ATF7IP2: variants seen among roughly 807,000 people sequenced by gnomAD.
ATF7IP2 encodes the protein activating transcription factor 7-interacting protein 2.
ATF7IP2 carries 42 observed loss-of-function variants against 64.2 expected under a neutral mutation model. The ratio of observed to expected loss-of-function variants is 0.65; its 90% CI spans 0.51 to 0.85. ATF7IP2 has a LOEUF of 0.85. ATF7IP2 is among the 40% of genes least tolerant of loss of function. The pLI, the probability that ATF7IP2 is intolerant of heterozygous loss-of-function variation, is 0.00. For missense variants in ATF7IP2, 933 were observed against 784.2 expected, an observed-to-expected ratio of 1.19 and a Z score of -2.27; for synonymous variants, 308 against 272.8, an observed-to-expected ratio of 1.13 and a Z score of -1.27.
intron 2 of ATF7IP2, among the ~76,000 whole-genome samples, chr16:10,418,530 A>G (rs1206868335): frequency 2.0e-5 from 3 of 152,198 alleles, no homozygotes; most frequent in Non-Finnish European, 4.4e-5. Flanking sequence ...AAGACAACAC[A>G]GATTAAAAGT....
At chr16:10,398,034 G>A (rs1455016979) in intron 1 of ATF7IP2, among the ~76,000 whole-genome samples, 1 of 152,044 alleles carries the variant, frequency 6.6e-6, no homozygotes, top group African/African-American at 2.4e-5. Flanking sequence ...ACTGGGCATG[G>A]TGGCTCAAGC....
At chr16:10,409,724 C>T (rs1380149649) in intron 1 of ATF7IP2, among the ~76,000 whole-genome samples, 3 of 152,170 alleles carry the variant, frequency 2.0e-5, no homozygotes, top group African/African-American at 4.8e-5. Flanking sequence ...CATGCCCAGC[C>T]TCCTTGATCC....
chr16:10,476,332 G>C (rs1042777486), intron 12 of ATF7IP2, among the ~76,000 whole-genome samples: 1 of 152,140 alleles, frequency 6.6e-6, no homozygotes, highest in Admixed American at 6.5e-5. Context: ...ATTTCATTTG[G>C]AGGATTCATA....
chr16:10,431,458 A>G lies in ATF7IP2; in HGVS notation c.835+3A>G. ...ATCACTTGACACTAATAACAACAGTAAGTATATACTTATGCACCTTTTAGA... is the reference window on the plus strand; with the variant it reads ...ATCACTTGACACTAATAACAACAGTGAGTATATACTTATGCACCTTTTAGA... On this transcript the variant is annotated splice_donor_region_variant and intron_variant, in intron 5 of 13. Transcript: ENST00000562102. The G allele has an allele frequency of 6.4e-7, 1 of 1,566,432 alleles. No individual in the cohort carries two copies. Among genetic ancestry groups the G allele is most frequent in the Non-Finnish European group, 8.7e-7 (1 of 1,149,656 alleles).
At chr16:10,431,564 G>A in intron 5 of ATF7IP2, 109 bp downstream of exon 5, 1 of 693,346 alleles carries the variant, frequency 1.4e-6, no homozygotes, top group Non-Finnish European at 2.3e-6. Context: ...AAAGGTAAAT[G>A]ATGACAATTA....
chr16:10,466,826 CTCTA>C (rs1357443415), intron 9 of ATF7IP2, among the ~76,000 whole-genome samples: 11 of 152,012 alleles, frequency 7.2e-5, no homozygotes, highest in East Asian at 5.8e-4. Context: ...CTGATGAATG[CTCTA>C]TCTTTTTTAA....
At chr16:10,428,608 G>T (rs60564462) in intron 3 of ATF7IP2, among the ~76,000 whole-genome samples, 2,731 of 152,084 alleles carry the variant, frequency 0.018, 87 homozygotes, top group African/African-American at 0.062. Flanking sequence ...GGTAATTATA[G>T]CCTGTCAGCC....
At chr16:10,425,552 T>G (rs1249184761) in intron 3 of ATF7IP2, among the ~76,000 whole-genome samples, 1 of 152,116 alleles carries the variant, frequency 6.6e-6, no homozygotes, top group Non-Finnish European at 1.5e-5. Context: ...GACAAATTCA[T>G]TAGGTGAAAA....
At chr16:10,467,732 T>C (rs1196956953) in intron 9 of ATF7IP2, among the ~76,000 whole-genome samples, 1 of 151,908 alleles carries the variant, frequency 6.6e-6, no homozygotes, top group Non-Finnish European at 1.5e-5. Context: ...TTTGTATTTT[T>C]AGCAGAGATG....
chr16:10,445,146 G>C (rs2048759476), intron 8 of ATF7IP2, among the ~76,000 whole-genome samples: 1 of 152,196 alleles, frequency 6.6e-6, no homozygotes, highest in African/African-American at 2.4e-5. Context: ...TAAACTCTGA[G>C]AACTGCATCA....
intron 2 of ATF7IP2, among the ~76,000 whole-genome samples, chr16:10,417,670 C>G (rs1362907547): frequency 1.3e-5 from 2 of 152,174 alleles, no homozygotes; most frequent in Non-Finnish European, 2.9e-5. Context: ...AATTGATAAT[C>G]TGGTCCTAAA....
chr16:10,430,736 A>T lies in ATF7IP2; in HGVS notation c.116A>T (p.Lys39Ile), dbSNP rs1596488593. ...LNKSRNVEAL[K>I]TAIGSNVPSG... is the part of the protein sequence containing the mutation. ...AAGTCAAGGAATGTTGAAGCGCTGA[A>T]AACAGCAATTGGGAGTAATGTTCCA... is the stretch of plus-strand genomic sequence containing the variant. The change falls in exon 5 of 14, where the codon AAA (lysine) becomes ATA (isoleucine). Residue 39 changes from lysine to isoleucine, a missense_variant. By Grantham distance (102) the Lys-to-Ile change is moderately radical (BLOSUM62 -3). Transcript: ENST00000562102. 6.2e-7 allele frequency: 1 copy of T among 1,614,114 alleles called. No homozygotes were observed. Among genetic ancestry groups the T allele is most frequent in the East Asian group, 2.2e-5 (1 of 44,862 alleles).
At chr16:10,410,649 G>T (rs2047740872) in intron 1 of ATF7IP2, among the ~76,000 whole-genome samples, 1 of 152,104 alleles carries the variant, frequency 6.6e-6, no homozygotes, top group Non-Finnish European at 1.5e-5. Flanking sequence ...GCTCTGGCTA[G>T]GAAGAGAAGT....
In ATF7IP2 at chr16:10,425,828, G is replaced by C. The variant is rs561785496; in HGVS notation, c.-159-3040G>C. Among the ~76,000 whole-genome samples, 6 of 152,120 alleles carry C rather than the reference G, an allele frequency of 3.9e-5. No homozygotes were observed. In the South Asian group the frequency reaches 1.0e-3, roughly 26 times the overall value. On this transcript the variant is annotated intron_variant, in intron 3 of 13. Transcript: ENST00000562102. ...GAATCACTTGAACCTGGGAGGCAGAGGTTGCGATGAGCTGAGATCATGCCA... is the reference window on the plus strand; with the variant it reads ...GAATCACTTGAACCTGGGAGGCAGACGTTGCGATGAGCTGAGATCATGCCA...
At chr16:10,476,310 T>C (rs1256938638) in intron 12 of ATF7IP2, among the ~76,000 whole-genome samples, 1 of 152,180 alleles carries the variant, frequency 6.6e-6, no homozygotes. Flanking sequence ...AAGAAAAATA[T>C]AAGTAAAAGA....
rs537391031 is a variant in ATF7IP2 at position 10,401,858 on chromosome 16, A to T, written c.-241-12716A>T. On this transcript the variant is annotated intron_variant, in intron 1 of 13. Transcript: ENST00000562102. Reference sequence around the variant, plus strand: ...CTTAGGAGGTTGTATGTTTCCAGTAATTTATCCATTTCCCATAGGGTTTCC... The same window carrying T: ...CTTAGGAGGTTGTATGTTTCCAGTATTTTATCCATTTCCCATAGGGTTTCC... Among the ~76,000 whole-genome samples the T allele has an allele frequency of 7.9e-5, 12 of 151,282 alleles. 1 individual carries two copies. The South Asian group carries it at 2.5e-3, about 32-fold the overall frequency.
intron 1 of ATF7IP2, among the ~76,000 whole-genome samples, chr16:10,403,244 G>A (rs921280029): frequency 6.6e-6 from 1 of 152,150 alleles, no homozygotes; most frequent in Admixed American, 6.6e-5. Context: ...AGGCTCAGGA[G>A]TGTGAGGTGA....
intron 12 of ATF7IP2, 41 bp from the exon 13 acceptor site, chr16:10,480,838 T>C: frequency 7.7e-7 from 1 of 1,300,994 alleles, no homozygotes; most frequent in Non-Finnish European, 1.1e-6. Flanking sequence ...AATTGATTAT[T>C]GCAGATAAGA....
At position 10,454,706 on chromosome 16, in the gene ATF7IP2, A is replaced by C. The variant is rs1476999991; in HGVS notation, c.1195-2666A>C. 2.6e-5 allele frequency among the ~76,000 whole-genome samples: 4 copies of C among 152,188 alleles called. No individual in the cohort carries two copies. The East Asian group carries it at 7.7e-4, about 29-fold the overall frequency. On this transcript the variant is annotated intron_variant, in intron 8 of 13. Coordinates refer to ENST00000562102, the MANE Select transcript of ATF7IP2 (RefSeq NM_001393719.1). ...CTGAATTTCCTTCTAAGTATCACTT[A>C]TTCTAAGCATCTTCTTAGTGGTTAG... is the stretch of plus-strand genomic sequence containing the variant.
Sources: gnomAD v4.1 joint callset for allele counts (sites outside exome capture counted in the v4.1 genomes callset) on GRCh38, gnomAD v4.1.1 for gene constraint, MANE v1.5 for transcripts, NCBI Gene and HGNC (gene_info 2026-07-23, HGNC 2026-07-21) for gene names.